Variants in CCDC30 observed in about 807,000 individuals in gnomAD.
CCDC30 encodes the protein coiled-coil domain containing 30.
Under a neutral mutation model 100.2 loss-of-function variants are expected in CCDC30, and 70 were observed. The ratio of observed to expected loss-of-function variants is 0.70; its 90% CI spans 0.58 to 0.85. The LOEUF (loss-of-function observed/expected upper bound fraction) is 0.85, where lower values mean the gene tolerates loss of function less well. CCDC30 is among the 40% of genes least tolerant of loss of function. The probability of loss-of-function intolerance (pLI) is 0.00; values close to 1 mark genes in which losing one functional copy is unlikely to be tolerated. For missense variants in CCDC30, 652 were observed against 771.2 expected (o/e 0.85, Z 1.83); for synonymous variants, 233 against 269.5 (o/e 0.86, Z 1.33).
intron 6 of CCDC30, among the ~76,000 whole-genome samples, chr1:42,506,210 A>T (rs1415665831): frequency 9.9e-5 from 15 of 152,232 alleles, no homozygotes; most frequent in Non-Finnish European, 7.3e-5. Context: ...GTTAAAAAAG[A>T]TTATGTCAGA....
At chr1:42,477,988 A>G (rs1643902360) in intron 1 of CCDC30, among the ~76,000 whole-genome samples, 1 of 152,186 alleles carries the variant, frequency 6.6e-6, no homozygotes, top group Non-Finnish European at 1.5e-5. Context: ...GGCTGGAGAT[A>G]TTTTCAGGAA....
chr1:42,589,615 C>T, intron 10 of CCDC30, 132 bp downstream of exon 14: 1 of 736,994 alleles, frequency 1.4e-6, no homozygotes, highest in East Asian at 2.6e-5. Context: ...AGAATCTACT[C>T]TAGGTATTTC....
chr1:42,646,526 C>G (rs1295223557), intron 15 of CCDC30, among the ~76,000 whole-genome samples: 1 of 152,212 alleles, frequency 6.6e-6, no homozygotes, highest in Non-Finnish European at 1.5e-5. Context: ...TTCCTGCAGG[C>G]AGAAATATCC....
In CCDC30 at chr1:42,596,312, C is replaced by T. The variant is rs564286680; in HGVS notation, c.1164+6829C>T. 1.3e-5 allele frequency among the ~76,000 whole-genome samples: 2 copies of T among 152,254 alleles called. No individual in the cohort carries two copies. Among genetic ancestry groups the T allele is most frequent in the South Asian group, 4.2e-4 (2 of 4,818 alleles). On this transcript the variant is annotated intron_variant, in intron 10 of 16. Coordinates refer to ENST00000668663, the Ensembl canonical transcript of CCDC30. This position sits in a 1 kb window ranked among gnomAD's most constrained non-coding sequence, Gnocchi z 4.3. ...TTTACCTCCTGTAGCATACCAGGTT[C>T]TTGTGAATATCTGAGAAAAATCCCC...
At chr1:42,473,128 G>T in intron 1 of CCDC30, 1 of 1,228,246 alleles carries the variant, frequency 8.1e-7, no homozygotes, top group Non-Finnish European at 1.0e-6. Context: ...CAAGGGAAAA[G>T]TTCAGTTAGA....
intron 15 of CCDC30, among the ~76,000 whole-genome samples, chr1:42,649,237 A>T (rs1167434919): frequency 6.6e-6 from 1 of 152,236 alleles, no homozygotes. Context: ...GCAAGACTAT[A>T]AAAAGATCAT....
chr1:42,546,280 G>A (rs546470354), intron 6 of CCDC30, among the ~76,000 whole-genome samples: 1 of 150,370 alleles, frequency 6.7e-6, no homozygotes, highest in South Asian at 2.1e-4. Context: ...AGCTACTCGG[G>A]AGGCTGAGGC....
At chr1:42,652,319 A>G (rs1408411) in intron 15 of CCDC30, among the ~76,000 whole-genome samples, 97,876 of 151,874 alleles carry the variant, frequency 0.64, 32,170 homozygotes, top group African/African-American at 0.77. Flanking sequence ...CTGAGGGGTG[A>G]GGAGGCAATG....
At chr1:42,528,244 T>C (rs1644753303) in intron 6 of CCDC30, among the ~76,000 whole-genome samples, 1 of 152,208 alleles carries the variant, frequency 6.6e-6, no homozygotes, top group African/African-American at 2.4e-5. Flanking sequence ...CTCTGATAAG[T>C]TGTCTTCCAA....
intron 12 of CCDC30, among the ~76,000 whole-genome samples, chr1:42,639,449 G>A (rs1647242343): frequency 6.6e-6 from 1 of 152,174 alleles, no homozygotes; most frequent in African/African-American, 2.4e-5. Context: ...AAAACTATGA[G>A]AAAATGTTAT....
At chr1:42,644,950 G>C in intron 14 of CCDC30, 143 bp downstream of exon 18, 1 of 617,442 alleles carries the variant, frequency 1.6e-6, no homozygotes, top group Non-Finnish European at 2.9e-6. Context: ...GAGGCTCTTG[G>C]CTGCACACCA....
chr1:42,533,032 C>T (rs1165086560), intron 6 of CCDC30, among the ~76,000 whole-genome samples: 2 of 152,380 alleles, frequency 1.3e-5, no homozygotes, highest in East Asian at 3.9e-4. Context: ...GCTGGGATTA[C>T]AGGCGTGAGC....
chr1:42,543,966 C>G (rs1210484554), intron 6 of CCDC30, among the ~76,000 whole-genome samples: 1 of 152,206 alleles, frequency 6.6e-6, no homozygotes, highest in East Asian at 1.9e-4. Flanking sequence ...CAGACAGGCT[C>G]AGGATATGAA....
the CCDC30 span, chr1:42,456,557 G>C: frequency 6.8e-7 from 1 of 1,464,352 alleles, no homozygotes; most frequent in Non-Finnish European, 9.0e-7. Flanking sequence ...GCCGGCCGCT[G>C]CGCTGCAGAT....
Position 42,543,764 on chromosome 1 carries a change from A to G in CCDC30, c.457-22532A>G, listed in dbSNP as rs1645064835. ...TAGTTCAAGACCAACCTTCTCCCCT[A>G]GAAAGGTTATAGTCCATATGAGATT... On this transcript the variant is annotated intron_variant, in intron 6 of 16. Coordinates refer to ENST00000668663, the Ensembl canonical transcript of CCDC30. Among the ~76,000 whole-genome samples, 2 of 152,216 alleles carry G rather than the reference A, an allele frequency of 1.3e-5. 1 individual carries two copies. Among genetic ancestry groups the G allele is most frequent in the South Asian group, 4.1e-4 (2 of 4,834 alleles).
intron 6 of CCDC30, among the ~76,000 whole-genome samples, chr1:42,528,292 T>C (rs527529904): frequency 6.6e-6 from 1 of 152,342 alleles, no homozygotes; most frequent in South Asian, 2.1e-4. Flanking sequence ...TATGTGAGAA[T>C]GGCTTAAACT....
At chr1:42,598,733 G>A (rs1646342114) in intron 10 of CCDC30, among the ~76,000 whole-genome samples, 1 of 151,996 alleles carries the variant, frequency 6.6e-6, no homozygotes, top group Non-Finnish European at 1.5e-5. Context: ...ACTTCAGCCA[G>A]GGTGACAGAG....
chr1:42,480,175 C>G (rs1643935329), intron 1 of CCDC30, among the ~76,000 whole-genome samples: 1 of 152,054 alleles, frequency 6.6e-6, no homozygotes, highest in Non-Finnish European at 1.5e-5. Context: ...TATGAAATAT[C>G]TATTCATTTT....
intron 12 of CCDC30, 131 bp downstream of exon 16, chr1:42,637,509 C>T: frequency 2.5e-6 from 2 of 810,696 alleles, no homozygotes; most frequent in Non-Finnish European, 3.9e-6. Flanking sequence ...TTCTTTGCAC[C>T]ATCTTTCAAT....
Sources: allele counts gnomAD v4.1 joint callset (sites outside exome capture counted in the v4.1 genomes callset), GRCh38; gene constraint gnomAD v4.1.1; non-coding constraint Gnocchi (gnomAD v3.1); transcripts MANE v1.5; gene names NCBI Gene and HGNC (gene_info 2026-07-23, HGNC 2026-07-21).